Variants in ARFGEF2 observed in about 807,000 individuals in gnomAD.
ARFGEF2 encodes the protein brefeldin A-inhibited guanine nucleotide-exchange protein 2.
Under a neutral mutation model 219.9 loss-of-function variants are expected in ARFGEF2, and 74 were observed. The ratio of observed to expected loss-of-function variants is 0.34; its 90% confidence interval spans 0.28 to 0.41. The LOEUF (loss-of-function observed/expected upper bound fraction) is 0.41, where lower values mean the gene tolerates loss of function less well. Among genes scored for constraint, ARFGEF2 ranks in the 10% least tolerant of loss-of-function variants. The pLI is 1.00. For missense variants in ARFGEF2, 1,743 were observed against 2,218.3 expected, an observed-to-expected ratio of 0.79 and a Z score of 4.30; for synonymous variants, 733 against 799.2, an observed-to-expected ratio of 0.92 and a Z score of 1.40.
chr20:49,018,705 C>T (rs1483757276), intron 33 of ARFGEF2, among the ~76,000 whole-genome samples, 179 bp from the exon 34 acceptor site: 1 of 152,182 alleles, frequency 6.6e-6, no homozygotes, highest in Non-Finnish European at 1.5e-5. Flanking sequence ...AATTTAAATT[C>T]TTAATCTCTC....
chr20:48,974,932 A>G (rs1033729974), intron 13 of ARFGEF2, 58 bp downstream of exon 13: 46 of 1,383,312 alleles, frequency 3.3e-5, no homozygotes, highest in Non-Finnish European at 4.5e-5. Context: ...TACGACTGCT[A>G]GGAACAGTTG....
rs370521546 is a variant in ARFGEF2, at chr20:48,981,706, C to A, written c.1959-3023C>A. On this transcript the variant is annotated intron_variant, in intron 14 of 38. Transcript: ENST00000371917. ...TTTTTATTCTTTTTTCTGTAAACTTCTCTTCTCACTTTATTTCATTAATTT... is the reference window on the plus strand; with the variant it reads ...TTTTTATTCTTTTTTCTGTAAACTTATCTTCTCACTTTATTTCATTAATTT... Among the ~76,000 whole-genome samples the A allele has an allele frequency of 3.4e-4, 52 of 152,220 alleles. No homozygotes were observed. In the East Asian group the frequency reaches 9.3e-3, roughly 27 times the overall value.
In ARFGEF2 at chr20:48,971,491, C is replaced by A. The variant is rs536725037; in HGVS notation, c.1425+137C>A. The A allele has an allele frequency of 4.0e-5, 34 of 841,136 alleles. No individual in the cohort carries two copies. The African/African-American group carries it at 4.8e-4, about 12-fold the overall frequency. 52.1% of individuals were successfully genotyped at this position (841,136 alleles called of 1,614,324 possible). On this transcript the variant is annotated intron_variant, in intron 10 of 38. Coordinates refer to ENST00000371917, the MANE Select transcript of ARFGEF2 (RefSeq NM_006420.3). ...GTTCATGAAAATGTTTCATATCTTA[C>A]CATCCTGGAACTCAGAAGTGGGCAG...
intron 3 of ARFGEF2, among the ~76,000 whole-genome samples, chr20:48,949,632 T>A (rs1325218079): frequency 6.6e-6 from 1 of 152,058 alleles, no homozygotes; most frequent in Non-Finnish European, 1.5e-5. Context: ...AATCCATTTT[T>A]CTTTCTGCTT....
At chr20:49,024,515 G>C (rs545313445) in intron 35 of ARFGEF2, among the ~76,000 whole-genome samples, 6 of 152,258 alleles carry the variant, frequency 3.9e-5, no homozygotes, top group African/African-American at 9.6e-5. Context: ...ACAGTTTCTC[G>C]TGTTTCAAGA....
At position 48,921,914 on chromosome 20, in the gene ARFGEF2, A is replaced by T; in HGVS notation, c.25A>T (p.Met9Leu). Residue 9 changes from methionine to leucine, a missense_variant, in exon 1 of 39, where the codon ATG becomes TTG. Met to Leu is a conservative substitution (Grantham distance 15). Transcript: ENST00000371917. ...CATGCAGGAGAGCCAGACCAAGAGC[A>T]TGTTCGTGTCCCGGGCCCTGGAGAA... MQESQTKSMFVSRALEKIL... is the reference protein window; with the variant it reads MQESQTKSLFVSRALEKIL... The T allele has an allele frequency of 6.4e-7, 1 of 1,552,426 alleles. No homozygotes were observed. The highest frequency in any genetic ancestry group is 8.7e-7 in the Non-Finnish European group (1 of 1,147,524).
chr20:48,985,693 A>T, intron 16 of ARFGEF2, 80 bp downstream of exon 16: 1 of 1,399,640 alleles, frequency 7.1e-7, no homozygotes, highest in Non-Finnish European at 9.9e-7. Context: ...TTGGGGTTTA[A>T]TCTTTGTATA....
intron 26 of ARFGEF2, among the ~76,000 whole-genome samples, chr20:49,009,873 A>G (rs916495572): frequency 6.6e-6 from 1 of 152,228 alleles, no homozygotes. Flanking sequence ...CTTAAACCAC[A>G]AGGCTATTTA....
chr20:49,002,101 G>T (rs542553781), intron 25 of ARFGEF2, among the ~76,000 whole-genome samples: 1 of 152,116 alleles, frequency 6.6e-6, no homozygotes, highest in Non-Finnish European at 1.5e-5. Flanking sequence ...AGCAGGGCGC[G>T]GTAGTGGACG....
chr20:49,017,343 C>G lies in ARFGEF2; in HGVS notation c.4410C>G (p.Thr1470=). 1.2e-6 allele frequency: 2 copies of G among 1,614,024 alleles called. No individual in the cohort carries two copies. Among genetic ancestry groups the G allele is most frequent in the South Asian group, 2.2e-5 (2 of 91,078 alleles). ...EKFSPEVWDE[T]CNCMLDIFKT... ...TCAGTCCTGAAGTCTGGGATGAAAC[C>G]TGCAACTGTATGTTGGATATTTTCA... The change falls in exon 32 of 39, where the codon ACC becomes ACG. Residue 1470 remains threonine (T), a synonymous_variant. Coordinates refer to ENST00000371917, the MANE Select transcript of ARFGEF2 (RefSeq NM_006420.3).
chr20:49,008,238 A>C (rs1280978454), intron 26 of ARFGEF2, among the ~76,000 whole-genome samples: 1 of 152,224 alleles, frequency 6.6e-6, no homozygotes, highest in Non-Finnish European at 1.5e-5. Flanking sequence ...GTACCGGTAC[A>C]ACATGGGATA....
At position 49,035,378 on chromosome 20, in the gene ARFGEF2, A is replaced by G. The variant is rs1020290050; in HGVS notation, c.*2179A>G. On this transcript the variant is annotated 3_prime_UTR_variant, in exon 39 of 39. Transcript: ENST00000371917. ...ATTAGTTTAGTATTTTAAAAGATTT[A>G]ATTTTCTGAATGAGGCATTTGAATT... The G allele has an allele frequency of 5.3e-5, 8 of 152,170 alleles. No homozygotes were observed. The highest frequency in any genetic ancestry group is 1.4e-4 in the African/African-American group (6 of 41,430). The allele number at this position is 152,170 out of a possible 1,614,324, so 9.4% of individuals were successfully genotyped here.
At chr20:48,941,732 A>T (rs1568693749) in intron 2 of ARFGEF2, 132 bp from the exon 3 acceptor site, 2 of 1,378,592 alleles carry the variant, frequency 1.5e-6, no homozygotes, top group Non-Finnish European at 2.0e-6. Context: ...GCATGTATTC[A>T]ACTTTTAATG....
chr20:48,984,758 A>G lies in ARFGEF2; in HGVS notation c.1988A>G (p.Gln663Arg), dbSNP rs2091316879. 2 of 1,613,870 alleles carry G rather than the reference A, an allele frequency of 1.2e-6. No individual in the cohort carries two copies. Among genetic ancestry groups the G allele is most frequent in the Non-Finnish European group, 1.7e-6 (2 of 1,180,046 alleles). ...LFNKKPKRGI[Q>R]FLQEQGMLGT... Reference sequence around the variant, plus strand: ...AACAAGAAACCCAAGAGGGGGATCCAGTTTCTCCAGGAGCAGGGCATGCTG... The same window carrying G: ...AACAAGAAACCCAAGAGGGGGATCCGGTTTCTCCAGGAGCAGGGCATGCTG... The change falls in exon 15 of 39, where the codon CAG (glutamine) becomes CGG (arginine). Residue 663 changes from glutamine (Q) to arginine (R), a missense_variant. Coordinates refer to ENST00000371917, the MANE Select transcript of ARFGEF2 (RefSeq NM_006420.3).
At chr20:49,022,441 AC>A (rs146258760) in intron 34 of ARFGEF2, among the ~76,000 whole-genome samples, 32,451 of 140,974 alleles carry the variant, frequency 0.23, 3,642 homozygotes, top group African/African-American at 0.25. Flanking sequence ...AAAAAAAAAA[AC>A]CCACAAGCTT....
rs778516522 is a variant in ARFGEF2, at chr20:49,013,572, A to G, written c.3927A>G (p.Gln1309=). Residue 1309 remains glutamine, a synonymous_variant, in exon 29 of 39, where the codon CAA becomes CAG. Transcript: ENST00000371917. ...GTGATTTTTCATCCTAGGTGCTACA[A>G]GAATACACAAGTGATGACATGAATG... ...KYVSERPRVL[Q]EYTSDDMNVA... is the part of the protein sequence containing the mutation. 1.2e-6 allele frequency: 2 copies of G among 1,614,068 alleles called. No individual in the cohort carries two copies. The highest frequency in any genetic ancestry group is 1.7e-6 in the Non-Finnish European group (2 of 1,180,024).
chr20:48,990,197 T>C (rs939577599), intron 20 of ARFGEF2, among the ~76,000 whole-genome samples: 1 of 151,964 alleles, frequency 6.6e-6, no homozygotes, highest in African/African-American at 2.4e-5. Flanking sequence ...ATAATAATAA[T>C]AATAATAGGT....
chr20:48,927,912 G>A (rs1176497605), intron 1 of ARFGEF2, among the ~76,000 whole-genome samples: 1 of 152,094 alleles, frequency 6.6e-6, no homozygotes, highest in Non-Finnish European at 1.5e-5. Flanking sequence ...GAGGTTATCT[G>A]TCTGGAAGCA....
chr20:48,978,826 A>T (rs1288272910), intron 14 of ARFGEF2, among the ~76,000 whole-genome samples: 1 of 152,188 alleles, frequency 6.6e-6, no homozygotes, highest in Non-Finnish European at 1.5e-5. Flanking sequence ...TTGATTTTAT[A>T]TTCTGAGACT....
Sources: allele counts gnomAD v4.1 joint callset (sites outside exome capture counted in the v4.1 genomes callset), GRCh38; gene constraint gnomAD v4.1.1; transcripts MANE v1.5; gene names NCBI Gene and HGNC (gene_info 2026-07-23, HGNC 2026-07-21).